NAALADL2: variants seen among roughly 807,000 people sequenced by gnomAD.
NAALADL2 encodes the protein inactive N-acetylated-alpha-linked acidic dipeptidase-like protein 2.
NAALADL2 carries 76 observed loss-of-function variants against 87.2 expected under a neutral mutation model. The observed-to-expected ratio is 0.87, with a 90% CI of 0.72 to 1.05. The LOEUF is 1.05. Among genes scored for constraint, NAALADL2 ranks in the 50% least tolerant of loss-of-function variants. The pLI is 0.00. For missense variants in NAALADL2, 1,089 were observed against 945.8 expected (o/e 1.15, Z -1.99); for synonymous variants, 354 against 331.0 (o/e 1.07, Z -0.75).
chr3:175,746,387 AAAGT>A (rs375013507), intron 12 of NAALADL2, among the ~76,000 whole-genome samples: 14 of 151,962 alleles, frequency 9.2e-5, no homozygotes, highest in African/African-American at 3.4e-4. Context: ...TAAAAATTAA[AAAGT>A]GAGTTTCCCA....
intron 10 of NAALADL2, among the ~76,000 whole-genome samples, chr3:175,618,659 C>A (rs901952609): frequency 3.3e-5 from 5 of 152,080 alleles, no homozygotes; most frequent in African/African-American, 1.2e-4. Flanking sequence ...TTTGGAGTGA[C>A]ACAGGATGGA....
intron 2 of NAALADL2, 133 bp from the exon 3 acceptor site, chr3:175,233,798 A>G (rs1037011091): frequency 3.3e-6 from 2 of 612,650 alleles, no homozygotes; most frequent in Non-Finnish European, 5.7e-6. Flanking sequence ...GTTTCATGTG[A>G]TAGGGTCCTG....
intron 1 of NAALADL2, among the ~76,000 whole-genome samples, chr3:174,927,655 A>G (rs1254460310): frequency 1.3e-5 from 2 of 152,212 alleles, no homozygotes; most frequent in Non-Finnish European, 2.9e-5. Flanking sequence ...GTTCTTTGAA[A>G]CCAATGAGAA....
chr3:175,184,767 A>T (rs1737080446), intron 2 of NAALADL2, among the ~76,000 whole-genome samples: 1 of 152,086 alleles, frequency 6.6e-6, no homozygotes, highest in African/African-American at 2.4e-5. Flanking sequence ...TACTAGCTAT[A>T]TTCCCTTAGG....
chr3:175,783,708 T>C (rs1751486396), intron 13 of NAALADL2, among the ~76,000 whole-genome samples: 1 of 151,358 alleles, frequency 6.6e-6, no homozygotes, highest in Non-Finnish European at 1.5e-5. Context: ...TTCTCCTGCC[T>C]AATTGCCCTG....
At chr3:175,754,724 T>C (rs1747036563) in intron 12 of NAALADL2, among the ~76,000 whole-genome samples, 1 of 152,210 alleles carries the variant, frequency 6.6e-6, no homozygotes, top group African/African-American at 2.4e-5. Context: ...ATCAAACTTC[T>C]AATTCTGTCC....
chr3:175,575,241 T>C (rs6790881), intron 9 of NAALADL2, among the ~76,000 whole-genome samples: 1,792 of 152,240 alleles, frequency 0.012, 35 homozygotes, highest in African/African-American at 0.04. Flanking sequence ...CAGGAAGAAA[T>C]GAAGAAAGTT....
At chr3:174,838,021 GAAAAA>G (rs77681462) in intron 3 of NAALADL2, among the ~76,000 whole-genome samples, 1 of 71,944 alleles carries the variant, frequency 1.4e-5, no homozygotes, top group Non-Finnish European at 2.8e-5. Context: ...AACCAAAAAA[GAAAAA>G]AAAAAAAAAA....
At chr3:175,584,248 G>A (rs984356452) in intron 10 of NAALADL2, among the ~76,000 whole-genome samples, 1 of 152,022 alleles carries the variant, frequency 6.6e-6, no homozygotes, top group African/African-American at 2.4e-5. Context: ...ATGTTGCCAG[G>A]CCAGTCTCGA....
At chr3:175,172,634 T>A (rs891764717) in intron 2 of NAALADL2, among the ~76,000 whole-genome samples, 4 of 152,100 alleles carry the variant, frequency 2.6e-5, no homozygotes, top group Non-Finnish European at 5.9e-5. Context: ...GAAACATACA[T>A]GAGTAAGACA....
upstream of NAALADL2, among the ~76,000 whole-genome samples, chr3:174,855,385 G>A (rs73047992): frequency 0.017 from 2,652 of 152,034 alleles, 66 homozygotes; most frequent in African/African-American, 0.06. Flanking sequence ...GCATGACTAT[G>A]GTGTATTAAC....
At chr3:175,184,938 A>G (rs1426080419) in intron 2 of NAALADL2, among the ~76,000 whole-genome samples, 10 of 152,074 alleles carry the variant, frequency 6.6e-5, no homozygotes, top group Admixed American at 6.6e-4. Flanking sequence ...GTTTATTGTC[A>G]TTTAAATTAC....
intron 1 of NAALADL2, among the ~76,000 whole-genome samples, chr3:175,010,426 C>A (rs1468184700): frequency 6.6e-6 from 1 of 152,160 alleles, no homozygotes; most frequent in East Asian, 1.9e-4. Context: ...CATCTCTAGT[C>A]TGTTCTCATC....
chr3:174,934,953 C>T (rs1677254987), intron 1 of NAALADL2, among the ~76,000 whole-genome samples: 1 of 151,446 alleles, frequency 6.6e-6, no homozygotes, highest in South Asian at 2.1e-4. Context: ...AGAATCTATG[C>T]ATTTTGTAAA....
chr3:175,377,737 G>T (rs1039564439), intron 5 of NAALADL2, among the ~76,000 whole-genome samples: 1 of 152,184 alleles, frequency 6.6e-6, no homozygotes, highest in Non-Finnish European at 1.5e-5. Flanking sequence ...AGAATCAGCT[G>T]ACAGACAAGG....
At chr3:174,725,937 G>A (rs1156319928) in intron 2 of NAALADL2, among the ~76,000 whole-genome samples, 2 of 152,252 alleles carry the variant, frequency 1.3e-5, no homozygotes, top group South Asian at 2.1e-4. Flanking sequence ...GAATAAAGGA[G>A]CAAGTGAATT....
chr3:175,743,697 T>C (rs1280202065), intron 12 of NAALADL2, among the ~76,000 whole-genome samples: 7 of 152,132 alleles, frequency 4.6e-5, no homozygotes, highest in Non-Finnish European at 1.0e-4. Flanking sequence ...CTTCATGTCA[T>C]AGTGAGATCG....
chr3:175,570,294 G>C (rs1240316538), intron 9 of NAALADL2, among the ~76,000 whole-genome samples: 1 of 152,056 alleles, frequency 6.6e-6, no homozygotes, highest in Non-Finnish European at 1.5e-5. Flanking sequence ...CATTGAGTAG[G>C]GCAATCTGCT....
chr3:175,356,982 TG>T (rs1444230046), intron 5 of NAALADL2, among the ~76,000 whole-genome samples: 1 of 152,190 alleles, frequency 6.6e-6, no homozygotes, highest in Non-Finnish European at 1.5e-5. Flanking sequence ...AGTTCCTTCT[TG>T]TTTATTTTGG....
Sources: allele counts gnomAD v4.1 joint callset (sites outside exome capture counted in the v4.1 genomes callset), GRCh38; gene constraint gnomAD v4.1.1; transcripts MANE v1.5; gene names NCBI Gene and HGNC (gene_info 2026-07-23, HGNC 2026-07-21).